Variants in AHI1 observed in about 807,000 individuals in gnomAD.
AHI1 encodes the protein jouberin.
In AHI1, 123 loss-of-function variants were observed where a neutral mutation model predicts 149.3. The observed-to-expected ratio is 0.82, with a 90% CI of 0.71 to 0.96. The LOEUF is 0.96. AHI1 is among the 40% of genes least tolerant of loss of function. The probability of loss-of-function intolerance (pLI) is 0.00; values close to 1 mark genes in which losing one functional copy is unlikely to be tolerated. For missense variants in AHI1, 1,439 were observed against 1,422.7 expected, an observed-to-expected ratio of 1.01 and a Z score of -0.18; for synonymous variants, 475 against 459.8, an observed-to-expected ratio of 1.03 and a Z score of -0.42.
At chr6:135,390,251 T>C (rs1778290639) in intron 23 of AHI1, among the ~76,000 whole-genome samples, 1 of 152,142 alleles carries the variant, frequency 6.6e-6, no homozygotes, top group Admixed American at 6.5e-5. Context: ...CATACCATAA[T>C]TACTGGAAAC....
At chr6:135,460,820 G>T (rs1789758538) in intron 8 of AHI1, among the ~76,000 whole-genome samples, 1 of 152,048 alleles carries the variant, frequency 6.6e-6, no homozygotes, top group Non-Finnish European at 1.5e-5. Context: ...CAACACAGAG[G>T]GAAAAAGACA....
In AHI1 at chr6:135,404,858, T is replaced by C. The variant is rs747223698; in HGVS notation, c.2988+93A>G. On this transcript the variant is annotated intron_variant, in intron 22 of 28. Coordinates refer to ENST00000265602, the MANE Select transcript of AHI1 (RefSeq NM_001134831.2). ...AAAGTACACATCAGATTAACTCTTA[T>C]AAAGGTTCCAAACTCTATGAATGGT... 305 of 1,147,568 alleles carry C rather than the reference T, an allele frequency of 2.7e-4. No individual in the cohort carries two copies. The African/African-American group carries it at 3.6e-3, about 13-fold the overall frequency. 71.1% of individuals were successfully genotyped at this position (1,147,568 alleles called of 1,614,324 possible).
At chr6:135,348,432 G>T (rs748735272) in intron 24 of AHI1, among the ~76,000 whole-genome samples, 4 of 151,778 alleles carry the variant, frequency 2.6e-5, no homozygotes, top group African/African-American at 9.7e-5. Flanking sequence ...TTTCCTTTTG[G>T]TAAAGGAAAA....
chr6:135,432,644 G>A (rs757291913), intron 16 of AHI1, among the ~76,000 whole-genome samples: 14 of 152,038 alleles, frequency 9.2e-5, no homozygotes, highest in Non-Finnish European at 1.6e-4. Context: ...GAACCACCGC[G>A]CCCGGCCACC....
chr6:135,293,798 A>G (rs1235865937), intron 27 of AHI1, among the ~76,000 whole-genome samples: 1 of 152,252 alleles, frequency 6.6e-6, no homozygotes, highest in Non-Finnish European at 1.5e-5. Flanking sequence ...TAAAATGTCA[A>G]TTCTCTCCAA....
At position 135,467,642 on chromosome 6, in the gene AHI1, G is replaced by C. The variant is rs370834009; in HGVS notation, c.136-8C>G. 1.3e-6 allele frequency: 2 copies of C among 1,591,854 alleles called. No homozygotes were observed. The highest frequency in any genetic ancestry group is 4.5e-5 in the East Asian group (2 of 44,422). On this transcript the variant is annotated splice_region_variant and splice_polypyrimidine_tract_variant and intron_variant, in intron 5 of 28. Transcript: ENST00000265602. Reference sequence around the variant, plus strand: ...GCTTCTAATAGTGTCAGGCTAAAAAGGAAGACATAATAAAGTTTCAGCTAA... The same window carrying C: ...GCTTCTAATAGTGTCAGGCTAAAAACGAAGACATAATAAAGTTTCAGCTAA...
At chr6:135,433,891 C>T (rs1785009294) in intron 15 of AHI1, among the ~76,000 whole-genome samples, 1 of 151,920 alleles carries the variant, frequency 6.6e-6, no homozygotes. Flanking sequence ...ATTATCCTGT[C>T]CTCTAAATAA....
rs1785737751 is a variant in AHI1 at position 135,438,382 on chromosome 6, T to G, written c.2029A>C (p.Thr677Pro). ...CTTCTCAAGGATACTAACCTGGCAG[T>G]GCCATCAGATGATGAAGTAAGGATG... ...HYILTSSSDG[T>P]ARIWKNEINN... Residue 677 changes from threonine (T) to proline (P), a missense_variant, in exon 15 of 29, where the codon ACT becomes CCT. Coordinates refer to ENST00000265602, the MANE Select transcript of AHI1 (RefSeq NM_001134831.2). The G allele has an allele frequency of 6.3e-7, 1 of 1,580,372 alleles. No individual in the cohort carries two copies. Among genetic ancestry groups the G allele is most frequent in the Non-Finnish European group, 8.6e-7 (1 of 1,161,162 alleles).
At chr6:135,395,081 T>A (rs1309883967) in intron 22 of AHI1, among the ~76,000 whole-genome samples, 185 bp from the exon 23 acceptor site, 2 of 151,970 alleles carry the variant, frequency 1.3e-5, no homozygotes, top group East Asian at 3.8e-4. Flanking sequence ...AAGAAAAAAA[T>A]ATAATAGTAA....
At chr6:135,314,442 T>C (rs1191192468) in intron 26 of AHI1, among the ~76,000 whole-genome samples, 2 of 152,252 alleles carry the variant, frequency 1.3e-5, no homozygotes, top group East Asian at 3.8e-4. Flanking sequence ...CCACCCAGTC[T>C]ACATTTGTTA....
intron 24 of AHI1, among the ~76,000 whole-genome samples, chr6:135,352,538 G>GCCTTACA (rs1792284345): frequency 6.6e-6 from 1 of 152,028 alleles, no homozygotes; most frequent in Non-Finnish European, 1.5e-5. Flanking sequence ...AGCACTCAAA[G>GCCTTACA]CCTTACACCA....
chr6:135,376,817 G>A (rs370131473), intron 23 of AHI1, among the ~76,000 whole-genome samples: 4 of 142,982 alleles, frequency 2.8e-5, no homozygotes, highest in South Asian at 4.4e-4. Context: ...GGGAGGCAAA[G>A]GTTGCAGTGA....
At chr6:135,331,468 CAG>C (rs2128398498) in intron 24 of AHI1, among the ~76,000 whole-genome samples, 1 of 152,246 alleles carries the variant, frequency 6.6e-6, no homozygotes, top group Non-Finnish European at 1.5e-5. Context: ...TTGATTTAGG[CAG>C]AGTCTGCCAG....
chr6:135,382,928 T>TAAAAAAA (rs1777030117), intron 23 of AHI1, among the ~76,000 whole-genome samples: 1 of 19,832 alleles, frequency 5.0e-5, no homozygotes, highest in African/African-American at 1.4e-4. Flanking sequence ...AAAAAAAAAA[T>TAAAAAAA]ATATATATAT....
intron 26 of AHI1, chr6:135,302,883 A>C: frequency 1.8e-6 from 2 of 1,135,010 alleles, no homozygotes; most frequent in Non-Finnish European, 2.3e-6. Context: ...ACCATCGACA[A>C]CGCCAAAGAA....
At chr6:135,294,698 C>CAAAAAAAAAAAAAAAAAACA (rs1782840649) in intron 27 of AHI1, among the ~76,000 whole-genome samples, 1 of 68,020 alleles carries the variant, frequency 1.5e-5, no homozygotes, top group African/African-American at 4.8e-5. Flanking sequence ...TCTCCAAATG[C>CAAAAAAAAAAAAAAAAAACA]AAAAAAAAAA....
intron 28 of AHI1, 87 bp from the exon 29 acceptor site, chr6:135,285,734 G>T: frequency 1.8e-6 from 2 of 1,108,200 alleles, no homozygotes; most frequent in Non-Finnish European, 2.7e-6. Context: ...TCAGGCAACA[G>T]CACAGGTAAT....
chr6:135,492,735 T>G, intron 3 of AHI1: 1 of 985,438 alleles, frequency 1.0e-6, no homozygotes, highest in Non-Finnish European at 1.2e-6. Flanking sequence ...AATACCTCTG[T>G]GTCTGCCACT....
At chr6:135,298,925 T>G (rs1224983462) in intron 27 of AHI1, among the ~76,000 whole-genome samples, 2 of 152,208 alleles carry the variant, frequency 1.3e-5, no homozygotes, top group East Asian at 1.9e-4. Flanking sequence ...CTAAAAATTT[T>G]TATGAAATAT....
Sources: allele counts gnomAD v4.1 joint callset (sites outside exome capture counted in the v4.1 genomes callset), GRCh38; gene constraint gnomAD v4.1.1; transcripts MANE v1.5; gene names NCBI Gene and HGNC (gene_info 2026-07-23, HGNC 2026-07-21).